CARD10: variants seen among roughly 807,000 people sequenced by gnomAD.
The protein encoded by CARD10 is caspase recruitment domain-containing protein 10.
Under a neutral mutation model 114.6 loss-of-function variants are expected in CARD10, and 49 were observed. The observed-to-expected ratio is 0.43, with a 90% CI of 0.34 to 0.54. CARD10 has a LOEUF of 0.54. CARD10 is among the 20% of genes least tolerant of loss of function. The pLI is 0.03. For synonymous variants in CARD10, 602 were observed against 593.2 expected, an observed-to-expected ratio of 1.01 and a Z score of -0.21; for missense variants, 1,206 against 1,397.2, an observed-to-expected ratio of 0.86 and a Z score of 2.18.
chr22:37,514,307 G>A (rs1370372153), intron 3 of CARD10, among the ~76,000 whole-genome samples: 1 of 151,982 alleles, frequency 6.6e-6, no homozygotes, highest in South Asian at 2.1e-4. Flanking sequence ...TTTTATAATT[G>A]TTACATCATC....
chr22:37,509,033 T>C (rs1179076021), intron 4 of CARD10: 4 of 1,549,984 alleles, frequency 2.6e-6, no homozygotes, highest in Non-Finnish European at 3.5e-6. Flanking sequence ...ACGGAGGCCA[T>C]TCCCAAGACC....
intron 4 of CARD10, chr22:37,509,212 G>C (rs946210218): frequency 1.5e-6 from 2 of 1,362,034 alleles, no homozygotes; most frequent in African/African-American, 3.0e-5. Context: ...ATGGCCAGGA[G>C]GCAGGCCCAT....
intron 11 of CARD10, among the ~76,000 whole-genome samples, chr22:37,497,648 G>A (rs1457817989): frequency 1.3e-5 from 2 of 152,104 alleles, no homozygotes; most frequent in Non-Finnish European, 2.9e-5. Context: ...CGGATCATGA[G>A]GTCAGGAGTT....
Sources: gnomAD v4.1 joint callset for allele counts (sites outside exome capture counted in the v4.1 genomes callset) on GRCh38, gnomAD v4.1.1 for gene constraint, MANE v1.5 for transcripts, NCBI Gene and HGNC (gene_info 2026-07-23, HGNC 2026-07-21) for gene names.